ADAM32: variants seen among roughly 807,000 people sequenced by gnomAD.
ADAM32 encodes ADAM metallopeptidase domain 32.
In ADAM32, 89 loss-of-function variants were observed where a neutral mutation model predicts 114.9. That is an observed-to-expected ratio of 0.77 (90% CI 0.65 to 0.92). The LOEUF (loss-of-function observed/expected upper bound fraction) is 0.92. Among genes scored for constraint, ADAM32 ranks in the 40% least tolerant of loss-of-function variants. The pLI is 0.00. For missense variants in ADAM32, 870 were observed against 932.8 expected, an observed-to-expected ratio of 0.93 and a Z score of 0.88; for synonymous variants, 285 against 307.5, an observed-to-expected ratio of 0.93 and a Z score of 0.77.
intron 17 of ADAM32, among the ~76,000 whole-genome samples, chr8:39,248,650 T>C (rs895023414): frequency 6.6e-6 from 1 of 152,196 alleles, no homozygotes; most frequent in Non-Finnish European, 1.5e-5. Context: ...GTTTTATTTC[T>C]TTCTTCCCAA....
At chr8:39,179,107 G>T (rs1385037900) in intron 10 of ADAM32, among the ~76,000 whole-genome samples, 4 of 152,156 alleles carry the variant, frequency 2.6e-5, no homozygotes, top group Non-Finnish European at 1.5e-5. Context: ...AGACTCTCTA[G>T]AGCCAGCAGG....
At chr8:39,184,566 A>G (rs1056943493) in intron 10 of ADAM32, among the ~76,000 whole-genome samples, 1 of 152,208 alleles carries the variant, frequency 6.6e-6, no homozygotes, top group African/African-American at 2.4e-5. Context: ...TCAGAAACCA[A>G]TAAGCCCCAG....
chr8:39,260,517 C>G (rs2129450848), intron 19 of ADAM32, among the ~76,000 whole-genome samples: 1 of 152,138 alleles, frequency 6.6e-6, no homozygotes, highest in South Asian at 2.1e-4. Flanking sequence ...CAAACTGTTG[C>G]TAGTTTTAAT....
At chr8:39,230,012 A>T (rs1355896649) in intron 14 of ADAM32, among the ~76,000 whole-genome samples, 1 of 152,102 alleles carries the variant, frequency 6.6e-6, no homozygotes, top group Non-Finnish European at 1.5e-5. Context: ...GACCACATTT[A>T]TCTCAGACAC....
At chr8:39,163,550 C>T (rs556347003) in intron 7 of ADAM32, among the ~76,000 whole-genome samples, 1 of 152,262 alleles carries the variant, frequency 6.6e-6, no homozygotes, top group South Asian at 2.1e-4. Context: ...AATAAAGGAA[C>T]AACTTTAAAA....
At chr8:39,150,099 T>C (rs117704540) in intron 5 of ADAM32, among the ~76,000 whole-genome samples, 4 of 152,284 alleles carry the variant, frequency 2.6e-5, no homozygotes, top group Non-Finnish European at 5.9e-5. Context: ...CCTTGCTCTA[T>C]GTCTTACGTT....
chr8:39,282,054 A>G (rs538460591), intron 23 of ADAM32, among the ~76,000 whole-genome samples: 5 of 152,308 alleles, frequency 3.3e-5, no homozygotes, highest in African/African-American at 1.2e-4. Flanking sequence ...TACAGTCATC[A>G]GTTACTTTCT....
At chr8:39,176,516 T>A (rs1320122003) in intron 10 of ADAM32, among the ~76,000 whole-genome samples, 2 of 152,238 alleles carry the variant, frequency 1.3e-5, no homozygotes, top group Admixed American at 1.3e-4. Flanking sequence ...TTCTGAATTT[T>A]GAGTTCTAAT....
At chr8:39,243,838 C>G (rs551403520) in intron 16 of ADAM32, among the ~76,000 whole-genome samples, 89 of 152,162 alleles carry the variant, frequency 5.8e-4, no homozygotes, top group Non-Finnish European at 1.1e-3. Context: ...ATGAGGAAGT[C>G]AAACTGTCAC....
At chr8:39,278,994 ATTAT>A (rs1813262197) in intron 22 of ADAM32, among the ~76,000 whole-genome samples, 1 of 152,080 alleles carries the variant, frequency 6.6e-6, no homozygotes, top group African/African-American at 2.4e-5. Context: ...TGTCAGTATC[ATTAT>A]TTATTCCCCC....
At chr8:39,114,700 A>T (rs1397583094) in intron 1 of ADAM32, among the ~76,000 whole-genome samples, 1 of 152,030 alleles carries the variant, frequency 6.6e-6, no homozygotes, top group African/African-American at 2.4e-5. Context: ...TTTTTTTCAT[A>T]AGTTTTATTT....
intron 17 of ADAM32, among the ~76,000 whole-genome samples, chr8:39,250,929 T>C (rs1161512027): frequency 6.6e-6 from 1 of 152,016 alleles, no homozygotes; most frequent in Non-Finnish European, 1.5e-5. Flanking sequence ...ATGTGATATT[T>C]ATCTTTCTGT....
chr8:39,243,182 C>T (rs1177247878), intron 16 of ADAM32, among the ~76,000 whole-genome samples: 1 of 152,112 alleles, frequency 6.6e-6, no homozygotes, highest in East Asian at 1.9e-4. Context: ...TGGATGGATT[C>T]ATACCTGAAT....
intron 10 of ADAM32, among the ~76,000 whole-genome samples, chr8:39,179,724 C>T (rs1805732501): frequency 6.6e-6 from 1 of 152,100 alleles, no homozygotes; most frequent in Non-Finnish European, 1.5e-5. Context: ...CCTGGGTGGG[C>T]CATCACCCCA....
chr8:39,186,175 A>G (rs1033091201), intron 10 of ADAM32, among the ~76,000 whole-genome samples: 10 of 152,172 alleles, frequency 6.6e-5, no homozygotes, highest in African/African-American at 1.9e-4. Flanking sequence ...TAGGGCTGTT[A>G]TAAGAAATTA....
At chr8:39,164,663 A>G (rs1804715318) in intron 7 of ADAM32, 101 bp from the exon 8 acceptor site, 1 of 839,854 alleles carries the variant, frequency 1.2e-6, no homozygotes, top group South Asian at 2.1e-5. Flanking sequence ...GAACTGTTGA[A>G]ACCCAAAGCA....
chr8:39,173,491 A>C (rs1805318653), intron 10 of ADAM32, among the ~76,000 whole-genome samples: 1 of 150,716 alleles, frequency 6.6e-6, no homozygotes, highest in Non-Finnish European at 1.5e-5. Context: ...GTGTCTGTTC[A>C]TGTCCTTTGT....
intron 19 of ADAM32, among the ~76,000 whole-genome samples, 153 bp from the exon 20 acceptor site, chr8:39,270,723 G>A (rs902704862): frequency 6.6e-6 from 1 of 152,076 alleles, no homozygotes; most frequent in Non-Finnish European, 1.5e-5. Context: ...TTATTTATTT[G>A]CATCTGTGTT....
At chr8:39,236,163 T>C (rs1467693754) in intron 16 of ADAM32, among the ~76,000 whole-genome samples, 2 of 152,200 alleles carry the variant, frequency 1.3e-5, no homozygotes, top group African/African-American at 4.8e-5. Flanking sequence ...CGTTCCATAA[T>C]ATAATGATAG....
Sources: gnomAD v4.1 joint callset for allele counts (sites outside exome capture counted in the v4.1 genomes callset) on GRCh38, gnomAD v4.1.1 for gene constraint, MANE v1.5 for transcripts, NCBI Gene and HGNC (gene_info 2026-07-23, HGNC 2026-07-21) for gene names.